Variants in ASIC2 observed in about 807,000 individuals in gnomAD.
The protein encoded by ASIC2 is acid-sensing ion channel 2.
ASIC2 carries 25 observed loss-of-function variants against 57.3 expected under a neutral mutation model. The ratio of observed to expected loss-of-function variants is 0.44; its 90% CI spans 0.32 to 0.61. The LOEUF (loss-of-function observed/expected upper bound fraction) is 0.61, where lower values mean the gene tolerates loss of function less well. Ranked by LOEUF, ASIC2 falls within the 20% of genes least tolerant of loss-of-function variation. The probability of loss-of-function intolerance (pLI) is 0.06; values close to 1 mark genes in which losing one functional copy is unlikely to be tolerated. For synonymous variants in ASIC2, 319 were observed against 307.5 expected (o/e 1.04, Z -0.39); for missense variants, 641 against 738.1 (o/e 0.87, Z 1.52).
intron 1 of ASIC2, among the ~76,000 whole-genome samples, chr17:33,364,950 C>T (rs768496379): frequency 2.0e-5 from 3 of 152,120 alleles, no homozygotes; most frequent in African/African-American, 4.8e-5. Flanking sequence ...TCCTGAAACC[C>T]ACATCTGGCC....
chr17:33,833,283 C>G (rs942186030), intron 1 of ASIC2, among the ~76,000 whole-genome samples: 4 of 152,082 alleles, frequency 2.6e-5, no homozygotes, highest in Non-Finnish European at 5.9e-5. Context: ...GTATCTCTAG[C>G]ATCAAGTGCA....
chr17:33,228,585 C>T (rs147732235), intron 1 of ASIC2, among the ~76,000 whole-genome samples: 15 of 152,200 alleles, frequency 9.9e-5, no homozygotes, highest in Non-Finnish European at 8.8e-5. Flanking sequence ...ACCCACCATC[C>T]CAACAAGAAG....
intron 1 of ASIC2, among the ~76,000 whole-genome samples, chr17:33,276,201 T>A (rs1904696227): frequency 6.6e-6 from 1 of 151,084 alleles, no homozygotes; most frequent in Non-Finnish European, 1.5e-5. Context: ...CATTAGTAAA[T>A]GAAGCTGTCA....
chr17:34,037,851 G>A lies in ASIC2; in HGVS notation c.555+118127C>T, dbSNP rs1283482367. The A allele has an allele frequency of 4.5e-5, 72 of 1,613,892 alleles. 1 individual carries two copies. Among genetic ancestry groups the A allele is most frequent in the Non-Finnish European group, 5.9e-5 (70 of 1,180,052 alleles). On this transcript the variant is annotated intron_variant, in intron 1 of 9. Transcript: ENST00000359872. ...GGGAACTGCACTTCAGTAGCTTTAA[G>A]AATCGTATTCTCTTGTAGGATGTCT...
intron 1 of ASIC2, among the ~76,000 whole-genome samples, chr17:33,876,848 C>A (rs78259449): frequency 6.6e-6 from 1 of 152,144 alleles, no homozygotes; most frequent in African/African-American, 2.4e-5. Context: ...CAGCTTCCCT[C>A]GAAATGTTCC....
chr17:33,073,114 GA>G (rs1229857950), intron 3 of ASIC2, among the ~76,000 whole-genome samples: 1 of 152,234 alleles, frequency 6.6e-6, no homozygotes, highest in Non-Finnish European at 1.5e-5. Flanking sequence ...TAGTTGGGGG[GA>G]GGGAATAGCC....
chr17:33,925,288 G>A (rs1028944676), intron 1 of ASIC2, among the ~76,000 whole-genome samples: 11 of 152,322 alleles, frequency 7.2e-5, no homozygotes, highest in Admixed American at 1.3e-4. Flanking sequence ...GAATATAAGC[G>A]CAAAATGCAC....
intron 1 of ASIC2, among the ~76,000 whole-genome samples, chr17:33,240,322 C>T (rs1482629329): frequency 1.3e-5 from 2 of 152,158 alleles, no homozygotes; most frequent in Non-Finnish European, 1.5e-5. Context: ...TGTGAACCTA[C>T]AGGTTTTTTT....
At chr17:34,082,236 C>T (rs762651998) in intron 1 of ASIC2, 1 of 152,212 alleles carries the variant, frequency 6.6e-6, no homozygotes, top group African/African-American at 2.4e-5. Context: ...CACTCTACCT[C>T]CTGGAGATGA....
At chr17:33,831,862 C>A (rs902169473) in intron 1 of ASIC2, among the ~76,000 whole-genome samples, 1 of 152,192 alleles carries the variant, frequency 6.6e-6, no homozygotes, top group African/African-American at 2.4e-5. Flanking sequence ...GGATGGAGAA[C>A]AAGACTCCCT....
chr17:33,863,053 G>A (rs1369708313), intron 1 of ASIC2, among the ~76,000 whole-genome samples: 1 of 152,230 alleles, frequency 6.6e-6, no homozygotes, highest in Non-Finnish European at 1.5e-5. Flanking sequence ...GTGTTCAGGA[G>A]CGCAAGTGGC....
At chr17:33,697,894 C>T (rs952540723) in intron 1 of ASIC2, among the ~76,000 whole-genome samples, 1 of 152,152 alleles carries the variant, frequency 6.6e-6, no homozygotes, top group South Asian at 2.1e-4. Flanking sequence ...CTGAGGAGAA[C>T]TTTTGCAGTG....
intron 1 of ASIC2, among the ~76,000 whole-genome samples, chr17:34,044,876 CTA>C (rs997703441): frequency 2.6e-5 from 4 of 152,190 alleles, no homozygotes; most frequent in African/African-American, 9.7e-5. Flanking sequence ...CTCTGGAAGA[CTA>C]TTACTTGGAG....
At chr17:33,094,706 G>A (rs1337194940) in intron 2 of ASIC2, among the ~76,000 whole-genome samples, 1 of 152,138 alleles carries the variant, frequency 6.6e-6, no homozygotes, top group African/African-American at 2.4e-5. Flanking sequence ...GGTTTTGGAA[G>A]TTCACCCTTA....
chr17:33,324,735 C>G lies in ASIC2; in HGVS notation c.556-212668G>C, dbSNP rs7226331. Among the ~76,000 whole-genome samples, 1,474 of 152,240 alleles carry G rather than the reference C, an allele frequency of 9.7e-3. 25 individuals carry two copies. Among genetic ancestry groups the G allele is most frequent in the African/African-American group, 0.033 (1,388 of 41,540 alleles). ...TTAAGAGAGGAGCCCAGGGATCAGT[C>G]GTTCTAACAGCATCTTTGACAGCAC... On this transcript the variant is annotated intron_variant, in intron 1 of 9. Coordinates refer to the ASIC2 transcript ENST00000359872.
chr17:34,098,849 A>G (rs1910639647), intron 1 of ASIC2, among the ~76,000 whole-genome samples: 2 of 152,120 alleles, frequency 1.3e-5, no homozygotes, highest in South Asian at 2.1e-4. Context: ...ACGGTTGGGT[A>G]AGACAAACTC....
intron 1 of ASIC2, among the ~76,000 whole-genome samples, chr17:33,960,818 C>G (rs1247148172): frequency 6.6e-6 from 1 of 152,174 alleles, no homozygotes; most frequent in Admixed American, 6.5e-5. Flanking sequence ...TTCTAACACT[C>G]AGCACACTTG....
chr17:33,317,666 C>T (rs2142212012), intron 1 of ASIC2, among the ~76,000 whole-genome samples: 1 of 152,250 alleles, frequency 6.6e-6, no homozygotes, highest in Non-Finnish European at 1.5e-5. Context: ...AGACCTCACT[C>T]TTGTAGGCAA....
chr17:33,279,414 A>T (rs547521079), intron 1 of ASIC2, among the ~76,000 whole-genome samples: 1 of 152,344 alleles, frequency 6.6e-6, no homozygotes, highest in South Asian at 2.1e-4. Context: ...AGAGATAAGC[A>T]GCTCACCAGT....
Sources: allele counts gnomAD v4.1 joint callset (sites outside exome capture counted in the v4.1 genomes callset), GRCh38; gene constraint gnomAD v4.1.1; transcripts MANE v1.5; gene names NCBI Gene and HGNC (gene_info 2026-07-23, HGNC 2026-07-21).